NCKAP1: variants seen among roughly 807,000 people sequenced by gnomAD.
NCKAP1 encodes NCK associated protein 1.
Under a neutral mutation model 151.2 loss-of-function variants are expected in NCKAP1, and 21 were observed. That is an observed-to-expected ratio of 0.14 (90% CI 0.10 to 0.20). The LOEUF (loss-of-function observed/expected upper bound fraction) is 0.20. Ranked by LOEUF, NCKAP1 falls within the 10% of genes least tolerant of loss-of-function variation. NCKAP1 has a pLI of 1.00. For missense variants in NCKAP1, 933 were observed against 1,352.1 expected (o/e 0.69, Z 4.86); for synonymous variants, 484 against 451.8 (o/e 1.07, Z -0.90).
intron 9 of NCKAP1, 129 bp downstream of exon 9, chr2:182,988,901 T>C (rs1336201871): frequency 1.5e-6 from 1 of 665,384 alleles, no homozygotes; most frequent in African/African-American, 1.8e-5. Context: ...CTTCCTGGGA[T>C]CCAAGTCAGA....
intron 15 of NCKAP1, among the ~76,000 whole-genome samples, chr2:182,968,242 G>A (rs1400867080): frequency 6.6e-6 from 1 of 152,156 alleles, no homozygotes; most frequent in Non-Finnish European, 1.5e-5. Flanking sequence ...GAAGGGAAAG[G>A]AAGCAGAAAT....
rs1696579887 is a variant in NCKAP1 at position 182,923,243 on chromosome 2, G to C, written c.*2459C>G. 1 of 151,636 alleles carries C rather than the reference G, an allele frequency of 6.6e-6. No homozygotes were observed. The highest frequency in any genetic ancestry group is 1.9e-4 in the East Asian group (1 of 5,184). 9.4% of individuals were successfully genotyped at this position (151,636 alleles called of 1,614,324 possible). A position where few individuals can be genotyped will look rare whatever the true frequency, so the allele number is the denominator to read the frequency against. On this transcript the variant is annotated 3_prime_UTR_variant, in exon 31 of 31. Transcript: ENST00000361354. ...ACATTTATAATAATGAAAAGAAATT[G>C]TCTAAAAATCTATCCAATCTATCCA...
In NCKAP1 at chr2:182,921,437, C is replaced by T. The variant is rs892149319; in HGVS notation, c.*4265G>A. The T allele has an allele frequency of 5.9e-5, 9 of 152,302 alleles. No homozygotes were observed. Among genetic ancestry groups the T allele is most frequent in the Middle Eastern group, 3.4e-3 (1 of 294 alleles). The allele number at this position is 152,302 out of a possible 1,614,324, so 9.4% of individuals were successfully genotyped here. ...ACTCAGCCATATACTACAACTGAGA[C>T]AAGGCAATCACCAAGGTCACATACC... On this transcript the variant is annotated 3_prime_UTR_variant, in exon 31 of 31. Transcript: ENST00000361354.
At chr2:183,005,069 T>A (rs532012727) in intron 2 of NCKAP1, among the ~76,000 whole-genome samples, 8 of 152,156 alleles carry the variant, frequency 5.3e-5, no homozygotes, top group Non-Finnish European at 1.0e-4. Flanking sequence ...CACATTTTAA[T>A]CATTACTACT....
intron 15 of NCKAP1, among the ~76,000 whole-genome samples, 165 bp from the exon 16 acceptor site, chr2:182,967,526 T>G (rs959256173): frequency 1.3e-5 from 2 of 152,184 alleles, no homozygotes; most frequent in African/African-American, 4.8e-5. Flanking sequence ...TACCTTGAAA[T>G]TCCTATCAAG....
rs370813870 is a variant in NCKAP1 at position 182,995,628 on chromosome 2, A to C, written c.741+73T>G. 78 of 1,389,862 alleles carry C rather than the reference A, an allele frequency of 5.6e-5. No individual in the cohort carries two copies. The African/African-American group carries it at 9.9e-4, about 18-fold the overall frequency. 86.1% of individuals were successfully genotyped at this position (1,389,862 alleles called of 1,614,324 possible). ...CTAATGCTAATTAGAAACAAACAGC[A>C]ACAGCATTACTGAACTATTATTTTT... On this transcript the variant is annotated intron_variant, in intron 7 of 30. Transcript: ENST00000361354.
chr2:183,016,016 T>C (rs1281578282), intron 2 of NCKAP1, among the ~76,000 whole-genome samples: 2 of 152,162 alleles, frequency 1.3e-5, no homozygotes, highest in Admixed American at 1.3e-4. Context: ...CATCTTTTGT[T>C]GCATAGGAGA....
intron 1 of NCKAP1, among the ~76,000 whole-genome samples, chr2:183,036,495 G>A (rs553165731): frequency 3.9e-5 from 6 of 152,228 alleles, no homozygotes; most frequent in African/African-American, 1.4e-4. Context: ...CAACCTCTAA[G>A]TAATACTATT....
intron 16 of NCKAP1, among the ~76,000 whole-genome samples, chr2:182,965,151 G>A (rs1697540024): frequency 6.6e-6 from 1 of 151,764 alleles, no homozygotes. Context: ...AGCACTTTGG[G>A]AGGCCAAGGC....
intron 1 of NCKAP1, among the ~76,000 whole-genome samples, chr2:183,026,833 A>G (rs1453204076): frequency 1.3e-5 from 2 of 152,330 alleles, no homozygotes; most frequent in East Asian, 3.9e-4. Flanking sequence ...TGATAAGCAC[A>G]TAAGTGCTCT....
intron 14 of NCKAP1, among the ~76,000 whole-genome samples, chr2:182,978,482 G>C (rs1442656836): frequency 6.6e-6 from 1 of 152,098 alleles, no homozygotes; most frequent in Non-Finnish European, 1.5e-5. Flanking sequence ...GAGTAAATGG[G>C]ATAATATATA....
Position 182,937,623 on chromosome 2 carries a change from A to G in NCKAP1, c.2696-2248T>C, listed in dbSNP as rs571323431. 2.0e-5 allele frequency among the ~76,000 whole-genome samples: 3 copies of G among 152,346 alleles called. No individual in the cohort carries two copies. The East Asian group carries it at 5.8e-4, about 29-fold the overall frequency. On this transcript the variant is annotated intron_variant, in intron 24 of 30. Coordinates refer to ENST00000361354, the MANE Select transcript of NCKAP1 (RefSeq NM_013436.5). The stretch of plus-strand genomic sequence containing the variant: ...TAAAGAGTTATACGAAAAGAATTCT[A>G]TTTAAAAATGACTCTTCCCATTTAA...
In NCKAP1 at chr2:182,921,987, G is replaced by C. The variant is rs1332766239; in HGVS notation, c.*3715C>G. The C allele has an allele frequency of 1.3e-5, 2 of 152,164 alleles. No homozygotes were observed. The highest frequency in any genetic ancestry group is 4.8e-5 in the African/African-American group (2 of 41,438). The allele number at this position is 152,164 out of a possible 1,614,324, so 9.4% of individuals were successfully genotyped here. A position where few individuals can be genotyped will look rare whatever the true frequency, so the allele number is the denominator to read the frequency against. On this transcript the variant is annotated 3_prime_UTR_variant, in exon 31 of 31. Coordinates refer to ENST00000361354, the MANE Select transcript of NCKAP1 (RefSeq NM_013436.5). ...ATTTTTTCCCAAAGGCAGAGGTCAT[G>C]GCAAATCTTCGGAGAAAGAGAGCAT...
Position 183,038,212 on chromosome 2 carries a change from T to TAGG in NCKAP1, c.-116_-114dup, listed in dbSNP as rs1288061613. On this transcript the variant is annotated 5_prime_UTR_variant, in exon 1 of 31. An upstream open reading frame in the 5' UTR loses its in-frame stop. Coordinates refer to ENST00000361354, the MANE Select transcript of NCKAP1 (RefSeq NM_013436.5). ...CCCCTCCCGCCCGCGACCTCCGCCTTAGGAGAGCGCGCCCATGGCCCTCGC... is the reference window on the plus strand; with the variant it reads ...CCCCTCCCGCCCGCGACCTCCGCCTTAGGAGGAGAGCGCGCCCATGGCCCTCGC... 1.5e-6 allele frequency: 1 copy of TAGG among 676,546 alleles called. No homozygotes were observed. The highest frequency in any genetic ancestry group is 4.3e-5 in the Admixed American group (1 of 23,436). 41.9% of individuals were successfully genotyped at this position (676,546 alleles called of 1,614,324 possible). A position where few individuals can be genotyped will look rare whatever the true frequency, so the allele number is the denominator to read the frequency against.
At chr2:182,972,915 G>A (rs527237254) in intron 15 of NCKAP1, among the ~76,000 whole-genome samples, 2 of 152,154 alleles carry the variant, frequency 1.3e-5, no homozygotes. Flanking sequence ...TAGGAAGTGG[G>A]AATAAAGAAG....
At chr2:182,978,738 A>G (rs1697876542) in intron 14 of NCKAP1, 96 bp downstream of exon 14, 2 of 644,932 alleles carry the variant, frequency 3.1e-6, no homozygotes, top group Admixed American at 3.8e-5. Context: ...AAGATAATAG[A>G]TCATTAGCCA....
intron 1 of NCKAP1, among the ~76,000 whole-genome samples, chr2:183,028,735 T>C (rs1698946926): frequency 6.6e-6 from 1 of 152,130 alleles, no homozygotes; most frequent in Non-Finnish European, 1.5e-5. Context: ...AATAAATAAG[T>C]TCCAAATATT....
chr2:182,965,511 C>A (rs1485855878), intron 16 of NCKAP1, among the ~76,000 whole-genome samples: 11 of 151,726 alleles, frequency 7.2e-5, no homozygotes, highest in Admixed American at 7.2e-4. Context: ...TAATTTGCAT[C>A]CACATTTAAA....
At chr2:182,979,119 AT>A (rs1205499944) in intron 13 of NCKAP1, among the ~76,000 whole-genome samples, 2 of 152,128 alleles carry the variant, frequency 1.3e-5, no homozygotes, top group African/African-American at 4.8e-5. Context: ...AAAATAAATG[AT>A]TTTGTGTTAA....
Sources: allele counts gnomAD v4.1 joint callset (sites outside exome capture counted in the v4.1 genomes callset), GRCh38; gene constraint gnomAD v4.1.1; transcripts MANE v1.5; gene names NCBI Gene and HGNC (gene_info 2026-07-23, HGNC 2026-07-21).